SPAG16: variants seen among roughly 807,000 people sequenced by gnomAD.
The protein encoded by SPAG16 is sperm associated antigen 16.
A neutral mutation model predicts 80.4 loss-of-function variants in SPAG16; 86 were observed. That is an observed-to-expected ratio of 1.07 (90% CI 0.90 to 1.28). The LOEUF (loss-of-function observed/expected upper bound fraction) is 1.28. Ranked by LOEUF, SPAG16 falls within the 50% of genes most tolerant of loss-of-function variation. The pLI is 0.00. For synonymous variants in SPAG16, 294 were observed against 265.9 expected (o/e 1.11, Z -1.03); for missense variants, 870 against 765.3 (o/e 1.14, Z -1.61).
chr2:213,556,312 C>CAAAAAAAA (rs35010847), intron 10 of SPAG16, among the ~76,000 whole-genome samples: 2 of 112,824 alleles, frequency 1.8e-5, no homozygotes, highest in African/African-American at 3.4e-5. Flanking sequence ...AAAAAAAAAC[C>CAAAAAAAA]AAAAAAAAAA....
intron 10 of SPAG16, among the ~76,000 whole-genome samples, chr2:213,843,926 A>G (rs2074485809): frequency 6.7e-6 from 1 of 150,262 alleles, no homozygotes; most frequent in Non-Finnish European, 1.5e-5. Context: ...GATTATTGTC[A>G]TTATAGTAAT....
chr2:213,464,396 A>G (rs942697082), intron 9 of SPAG16, among the ~76,000 whole-genome samples: 2 of 152,188 alleles, frequency 1.3e-5, no homozygotes, highest in African/African-American at 4.8e-5. Flanking sequence ...ATGGTACTGT[A>G]TACCTAGTGC....
chr2:214,405,517 T>C (rs763814245), intron 15 of SPAG16, among the ~76,000 whole-genome samples: 2 of 152,180 alleles, frequency 1.3e-5, no homozygotes, highest in African/African-American at 2.4e-5. Flanking sequence ...AAATCAAGGC[T>C]GGGCACAGTG....
intron 11 of SPAG16, among the ~76,000 whole-genome samples, chr2:213,899,321 C>T (rs1575493744): frequency 6.6e-6 from 1 of 152,042 alleles, no homozygotes; most frequent in East Asian, 1.9e-4. Context: ...CTGAATAATG[C>T]CAAGGATGAT....
intron 10 of SPAG16, among the ~76,000 whole-genome samples, chr2:213,689,022 C>T (rs757229312): frequency 2.6e-5 from 4 of 152,196 alleles, no homozygotes; most frequent in Middle Eastern, 3.4e-3. Flanking sequence ...TGCAGTGGCT[C>T]GATCTTGGCC....
intron 15 of SPAG16, among the ~76,000 whole-genome samples, chr2:214,250,629 A>T (rs1429737601): frequency 6.8e-6 from 1 of 146,716 alleles, no homozygotes; most frequent in African/African-American, 2.5e-5. Flanking sequence ...TTAGAAAAAT[A>T]TATAAATATT....
intron 15 of SPAG16, 148 bp from the exon 16 acceptor site, chr2:214,409,992 C>T: frequency 1.4e-6 from 1 of 737,176 alleles, no homozygotes; most frequent in Non-Finnish European, 2.1e-6. Flanking sequence ...ATTTCTTATA[C>T]CTACAGGAGC....
chr2:213,424,035 C>T (rs2069757903), intron 9 of SPAG16, among the ~76,000 whole-genome samples: 1 of 152,106 alleles, frequency 6.6e-6, no homozygotes, highest in African/African-American at 2.4e-5. Flanking sequence ...AGAGCACTTT[C>T]CATGACAAAC....
At chr2:213,667,508 TAGAC>T (rs2063652787) in intron 10 of SPAG16, among the ~76,000 whole-genome samples, 1 of 152,174 alleles carries the variant, frequency 6.6e-6, no homozygotes. Flanking sequence ...GTCACAGTAA[TAGAC>T]AGAGAAGTAG....
At chr2:214,008,676 C>T (rs911521146) in intron 12 of SPAG16, among the ~76,000 whole-genome samples, 2 of 149,848 alleles carry the variant, frequency 1.3e-5, no homozygotes, top group Non-Finnish European at 3.0e-5. Context: ...ACCGGGGAGA[C>T]AGAGGTTGCA....
chr2:213,464,594 G>A (rs964121379), intron 9 of SPAG16, among the ~76,000 whole-genome samples: 13 of 152,194 alleles, frequency 8.5e-5, no homozygotes, highest in African/African-American at 2.4e-4. Flanking sequence ...AGGAGGTACT[G>A]GATGCCCCTT....
In SPAG16 at chr2:213,707,314, T is replaced by A. The variant is rs78692194; in HGVS notation, c.1071-155171T>A. Among the ~76,000 whole-genome samples, 4 of 152,350 alleles carry A rather than the reference T, an allele frequency of 2.6e-5. No individual in the cohort carries two copies. In the East Asian group the frequency reaches 7.7e-4, roughly 29 times the overall value. ...GTTCAAGCCATTAAAAACGTATTTCTTCAGTTCTTCTAATGCACTACACTG... is the reference window on the plus strand; with the variant it reads ...GTTCAAGCCATTAAAAACGTATTTCATCAGTTCTTCTAATGCACTACACTG... On this transcript the variant is annotated intron_variant, in intron 10 of 15. Transcript: ENST00000331683.
intron 14 of SPAG16, among the ~76,000 whole-genome samples, chr2:214,116,414 C>T (rs1205179452): frequency 1.3e-5 from 2 of 152,166 alleles, no homozygotes; most frequent in African/African-American, 4.8e-5. Context: ...TTGAGGTGCA[C>T]CAGACTCAGT....
chr2:213,911,835 CAAAA>C (rs10644766), intron 11 of SPAG16, among the ~76,000 whole-genome samples: 2 of 126,146 alleles, frequency 1.6e-5, no homozygotes, highest in Non-Finnish European at 3.2e-5. Context: ...AAACAGTTAG[CAAAA>C]AAAAAAAAAA....
chr2:213,586,090 C>T (rs1447603183), intron 10 of SPAG16, among the ~76,000 whole-genome samples: 1 of 152,230 alleles, frequency 6.6e-6, no homozygotes, highest in East Asian at 1.9e-4. Flanking sequence ...TTAAATTCTT[C>T]TTAGCCATAA....
intron 10 of SPAG16, among the ~76,000 whole-genome samples, chr2:213,697,876 A>T (rs898875913): frequency 2.0e-5 from 3 of 152,232 alleles, no homozygotes; most frequent in African/African-American, 7.2e-5. Context: ...CTACCTGCTC[A>T]GCTCTAGCTA....
At chr2:213,728,604 G>A (rs568025047) in intron 10 of SPAG16, among the ~76,000 whole-genome samples, 2 of 152,068 alleles carry the variant, frequency 1.3e-5, no homozygotes, top group African/African-American at 4.8e-5. Context: ...GGCCAGGCCC[G>A]GTGGCTCACG....
At chr2:213,334,564 A>G (rs566781784) in intron 5 of SPAG16, among the ~76,000 whole-genome samples, 23 of 152,206 alleles carry the variant, frequency 1.5e-4, no homozygotes, top group African/African-American at 3.6e-4. Flanking sequence ...CTAAGTGTCT[A>G]TCAGCAGATG....
chr2:213,999,923 C>T (rs1353019109), intron 12 of SPAG16, among the ~76,000 whole-genome samples: 1 of 152,052 alleles, frequency 6.6e-6, no homozygotes, highest in Non-Finnish European at 1.5e-5. Flanking sequence ...TTACCCAATA[C>T]CTGTACCCCT....
Sources: gnomAD v4.1 joint callset for allele counts (sites outside exome capture counted in the v4.1 genomes callset) on GRCh38, gnomAD v4.1.1 for gene constraint, MANE v1.5 for transcripts, NCBI Gene and HGNC (gene_info 2026-07-23, HGNC 2026-07-21) for gene names.